Variants in SNAPC4 observed in about 807,000 individuals in gnomAD.
SNAPC4 encodes small nuclear RNA activating complex polypeptide 4, also known as snRNA-activating protein complex subunit 4.
A neutral mutation model predicts 151.3 loss-of-function variants in SNAPC4; 127 were observed. The observed-to-expected ratio is 0.84, with a 90% CI of 0.73 to 0.97. The LOEUF is 0.97. Among genes scored for constraint, SNAPC4 ranks in the 50% least tolerant of loss-of-function variants. SNAPC4 has a pLI of 0.00. For synonymous variants in SNAPC4, 1,002 were observed against 824.4 expected, an observed-to-expected ratio of 1.22 and a Z score of -3.69; for missense variants, 2,186 against 1,935.0, an observed-to-expected ratio of 1.13 and a Z score of -2.43.
At chr9:136,395,134 G>C (rs892130197) in intron 5 of SNAPC4, among the ~76,000 whole-genome samples, 164 bp downstream of exon 5, 6 of 152,252 alleles carry the variant, frequency 3.9e-5, no homozygotes, top group African/African-American at 1.2e-4. Flanking sequence ...CCAGCGCAGA[G>C]CAGAGGGCAG....
intron 10 of SNAPC4, among the ~76,000 whole-genome samples, chr9:136,391,633 C>T (rs1166148639): frequency 2.6e-5 from 4 of 152,234 alleles, no homozygotes; most frequent in Non-Finnish European, 4.4e-5. Context: ...ACAGAATAAA[C>T]TCCCGAGGCT....
At position 136,379,482 on chromosome 9, in the gene SNAPC4, C is replaced by T. The variant is rs545623875; in HGVS notation, c.2528-183G>A. 3.3e-5 allele frequency among the ~76,000 whole-genome samples: 5 copies of T among 152,298 alleles called. No homozygotes were observed. In the East Asian group the frequency reaches 5.8e-4, roughly 18 times the overall value. On this transcript the variant is annotated intron_variant, in intron 21 of 23. Coordinates refer to ENST00000684778, the MANE Select transcript of SNAPC4 (RefSeq NM_003086.4). ...GTGGCTACCCCAGATGGCAATGCTC[C>T]GGCCAAAGCCAGGGCAGTGGGCACT... is the stretch of plus-strand genomic sequence containing the variant.
rs923952238 is a variant in SNAPC4 at position 136,378,002 on chromosome 9, G to C, written c.3825C>G (p.Ser1275=). ...EKGALDLGLL[S]QEGEAATQQW... ...GCTGTGTGGCCGCCTCGCCCTCCTG[G>C]GACAGCAGGCCCAGGTCCAGGGCCC... Residue 1275 remains serine (S), a synonymous_variant, in exon 22 of 24, where the codon TCC becomes TCG. Coordinates refer to ENST00000684778, the MANE Select transcript of SNAPC4 (RefSeq NM_003086.4). 19 of 1,600,822 alleles carry C rather than the reference G, an allele frequency of 1.2e-5. No individual in the cohort carries two copies. In the African/African-American group the frequency reaches 2.4e-4, roughly 20 times the overall value.
In SNAPC4 at chr9:136,383,221, T is replaced by G; in HGVS notation, c.1948A>C (p.Thr650Pro). Residue 650 changes from threonine to proline, a missense_variant, in exon 16 of 24, where the codon ACT becomes CCT. Physicochemically the swap from Thr to Pro is conservative, Grantham distance 38. Transcript: ENST00000684778. This position sits in a 1 kb window ranked among gnomAD's most constrained non-coding sequence, Gnocchi z 4.2. The stretch of plus-strand genomic sequence containing the variant: ...TGCTTCTCTGCGCCCGCCGGGCGAG[T>G]GTCTGCTGAGTGGGAGGCCTGGGCA... ...RSAQASHSAD[T>P]RPAGAEKQAL... 6.4e-7 allele frequency: 1 copy of G among 1,565,432 alleles called. No individual in the cohort carries two copies. Among genetic ancestry groups the G allele is most frequent in the Non-Finnish European group, 8.6e-7 (1 of 1,157,566 alleles).
chr9:136,384,200 A>C (rs1307707071), intron 14 of SNAPC4, among the ~76,000 whole-genome samples, 168 bp from the exon 15 acceptor site: 1 of 152,110 alleles, frequency 6.6e-6, no homozygotes, highest in Non-Finnish European at 1.5e-5. Flanking sequence ...GCAGCATCTG[A>C]TTCTCATTGG....
intron 22 of SNAPC4, 148 bp downstream of exon 22, chr9:136,377,395 G>C (rs989366463): frequency 4.8e-6 from 5 of 1,037,244 alleles, no homozygotes; most frequent in Admixed American, 3.2e-5. Flanking sequence ...GGGCAGGCCA[G>C]GAACCAGCTT....
chr9:136,399,606 G>C (rs549772704), intron 1 of SNAPC4, among the ~76,000 whole-genome samples: 4 of 152,296 alleles, frequency 2.6e-5, no homozygotes, highest in African/African-American at 9.6e-5. Flanking sequence ...CCTCTCCCAA[G>C]GGCTGGTCAT....
intron 18 of SNAPC4, 109 bp from the exon 19 acceptor site, chr9:136,381,501 GC>G: frequency 9.7e-7 from 1 of 1,026,592 alleles, no homozygotes; most frequent in Non-Finnish European, 1.5e-6. Context: ...GGCTCTGGGA[GC>G]CAGGCCAGGG....
chr9:136,393,061 C>T (rs1421608474), intron 7 of SNAPC4, among the ~76,000 whole-genome samples: 1 of 152,222 alleles, frequency 6.6e-6, no homozygotes, highest in Non-Finnish European at 1.5e-5. Flanking sequence ...AGTGCCCCAG[C>T]TCCCAGCCTG....
chr9:136,391,391 G>A (rs968747907), intron 10 of SNAPC4, among the ~76,000 whole-genome samples: 10 of 152,084 alleles, frequency 6.6e-5, no homozygotes, highest in Non-Finnish European at 1.2e-4. Flanking sequence ...ATTTAAAAAC[G>A]GAAACATACA....
rs140296943 is a variant in SNAPC4 at position 136,377,840 on chromosome 9, G to A, written c.3987C>T (p.Thr1329=). 9 of 1,611,444 alleles carry A rather than the reference G, an allele frequency of 5.6e-6. No individual in the cohort carries two copies. The highest frequency in any genetic ancestry group is 1.1e-5 in the South Asian group (1 of 91,088). ...CAGCCTCGCCCCCCACCACCAGGGA[G>A]GTGGCCTTGTGCTCCAGGGCCTTCT... ...LHKKALEHKA[T]SLVVGGEAER... is the part of the protein sequence containing the mutation. Residue 1329 remains threonine (T), a synonymous_variant, in exon 22 of 24, where the codon ACC becomes ACT. Transcript: ENST00000684778.
At position 136,383,641 on chromosome 9, in the gene SNAPC4, G is replaced by A. The variant is rs200142063; in HGVS notation, c.1528C>T (p.Arg510Trp). ...GKKQGLRRRR[R>W]RARHSVRWSS... ...CACCGGACGCTGTGACGGGCCCTCC[G>A]CCGCCGCCTCCGGAGACCCTGCTTC... The change falls in exon 16 of 24, where the codon CGG becomes TGG. Residue 510 changes from arginine (R) to tryptophan (W), a missense_variant. Arg to Trp is a moderately radical substitution (Grantham distance 101). Coordinates refer to ENST00000684778, the MANE Select transcript of SNAPC4 (RefSeq NM_003086.4). The surrounding 1 kb of genome is among the most constrained non-coding windows in gnomAD (Gnocchi z 4.2). 1.7e-5 allele frequency: 27 copies of A among 1,608,732 alleles called. No individual in the cohort carries two copies. Among genetic ancestry groups the A allele is most frequent in the Middle Eastern group, 1.6e-4 (1 of 6,068 alleles).
At position 136,388,504 on chromosome 9, in the gene SNAPC4, G is replaced by T; in HGVS notation, c.1063C>A (p.Arg355Ser). 6.2e-7 allele frequency: 1 copy of T among 1,613,774 alleles called. No homozygotes were observed. The highest frequency in any genetic ancestry group is 8.5e-7 in the Non-Finnish European group (1 of 1,179,936). Reference sequence around the variant, plus strand: ...TCCTGCACCAGCTGCGTGAGCATGCGGTCCTCCTCCTCTGTCCACTCCTTG... The same window carrying T: ...TCCTGCACCAGCTGCGTGAGCATGCTGTCCTCCTCCTCTGTCCACTCCTTG... ...KRKEWTEEED[R>S]MLTQLVQEMR... The change falls in exon 11 of 24, where the codon CGC becomes AGC. Residue 355 changes from arginine to serine, a missense_variant. Transcript: ENST00000684778.
intron 2 of SNAPC4, among the ~76,000 whole-genome samples, chr9:136,397,225 C>T (rs929818872): frequency 1.2e-4 from 18 of 152,170 alleles, no homozygotes; most frequent in African/African-American, 4.1e-4. Flanking sequence ...ATAGAGAAAA[C>T]TCTGACCACA....
At chr9:136,397,358 C>A (rs937763484) in intron 2 of SNAPC4, among the ~76,000 whole-genome samples, 2 of 151,800 alleles carry the variant, frequency 1.3e-5, no homozygotes, top group African/African-American at 4.8e-5. Context: ...AGGAGCTTAG[C>A]CGGTCAGATG....
chr9:136,392,279 C>G (rs574215139), intron 9 of SNAPC4, among the ~76,000 whole-genome samples, 173 bp from the exon 10 acceptor site: 44 of 152,298 alleles, frequency 2.9e-4, no homozygotes, highest in Middle Eastern at 3.4e-3. Context: ...AGACTTGGCT[C>G]CAGATGCAAG....
At position 136,378,462 on chromosome 9, in the gene SNAPC4, G is replaced by A; in HGVS notation, c.3365C>T (p.Ala1122Val). ...CAACGCTGGGGCCCTGGGGCCCTGG[G>A]CCGCCCGAGTCTCAGTCAGGGGAGG... ...LLPPLTETRA[A>V]QGPRAPALSS... The change falls in exon 22 of 24, where the codon GCC becomes GTC. Residue 1122 changes from alanine to valine, a missense_variant. Coordinates refer to ENST00000684778, the MANE Select transcript of SNAPC4 (RefSeq NM_003086.4). The A allele has an allele frequency of 6.3e-7, 1 of 1,588,792 alleles. No individual in the cohort carries two copies. The highest frequency in any genetic ancestry group is 8.5e-7 in the Non-Finnish European group (1 of 1,172,084).
At position 136,377,935 on chromosome 9, in the gene SNAPC4, C is replaced by G. The variant is rs1833518937; in HGVS notation, c.3892G>C (p.Gly1298Arg). 13 of 1,607,386 alleles carry G rather than the reference C, an allele frequency of 8.1e-6. No homozygotes were observed. Among genetic ancestry groups the G allele is most frequent in the Non-Finnish European group, 1.1e-5 (13 of 1,177,468 alleles). Reference protein sequence around the residue: ...GQRGVRVPLLGSRLPYQPPAL... With the variant: ...GQRGVRVPLLRSRLPYQPPAL... ...GGGGGCTGATAGGGCAGTCTGCTGC[C>G]CAGAAGAGGCACACGCACCCCCCGC... The change falls in exon 22 of 24, where the codon GGC becomes CGC. Residue 1298 changes from glycine (G) to arginine (R), a missense_variant. By Grantham distance (125) the Gly-to-Arg change is moderately radical (BLOSUM62 -2). Transcript: ENST00000684778.
In SNAPC4 at chr9:136,383,597, G is replaced by A. The variant is rs371117683; in HGVS notation, c.1572C>T (p.Ser524=). The change falls in exon 16 of 24, where the codon AGC becomes AGT. Residue 524 remains serine, a synonymous_variant. Coordinates refer to ENST00000684778, the MANE Select transcript of SNAPC4 (RefSeq NM_003086.4). This position sits in a 1 kb window ranked among gnomAD's most constrained non-coding sequence, Gnocchi z 4.2. ...CTCCACTGCTGCCACTGCTGCTGCC[G>A]CTGCTGCTGGTAGAGCTCCACCGGA... ...HSVRWSSTSS[S]GSSSGSSGGS... 7.0e-5 allele frequency: 113 copies of A among 1,611,714 alleles called. 4 individuals are homozygous for A. The highest frequency in any genetic ancestry group is 4.0e-5 in the African/African-American group (3 of 74,918).
Sources: gnomAD v4.1 joint callset for allele counts (sites outside exome capture counted in the v4.1 genomes callset) on GRCh38, gnomAD v4.1.1 for gene constraint, Gnocchi (gnomAD v3.1) non-coding constraint, MANE v1.5 for transcripts, NCBI Gene and HGNC (gene_info 2026-07-23, HGNC 2026-07-21) for gene names.